The following SMURF1 variants were observed in gnomAD, a reference collection of about 807,000 sequenced individuals.
SMURF1 encodes E3 ubiquitin-protein ligase SMURF1.
Under a neutral mutation model 98.0 loss-of-function variants are expected in SMURF1, and 44 were observed. That is an observed-to-expected ratio of 0.45 (90% CI 0.35 to 0.58). The LOEUF (loss-of-function observed/expected upper bound fraction) is 0.58, where lower values mean the gene tolerates loss of function less well. Among genes scored for constraint, SMURF1 ranks in the 20% least tolerant of loss-of-function variants. The pLI, the probability that SMURF1 is intolerant of heterozygous loss-of-function variation, is 0.00. For missense variants in SMURF1, 687 were observed against 938.4 expected (o/e 0.73, Z 3.50); for synonymous variants, 396 against 374.9 (o/e 1.06, Z -0.65).
chr7:99,062,188 G>C (rs1280478068), intron 1 of SMURF1, among the ~76,000 whole-genome samples: 1 of 98,464 alleles, frequency 1.0e-5, no homozygotes, highest in Non-Finnish European at 2.7e-5. Context: ...TCGAACTCCT[G>C]GGTGATTCAA....
At chr7:99,057,572 T>C (rs1795909206) in intron 3 of SMURF1, 21 bp from the exon 4 acceptor site, 1 of 1,521,900 alleles carries the variant, frequency 6.6e-7, no homozygotes, top group East Asian at 2.4e-5. Context: ...AGTGCAAAAC[T>C]CATTTTTAAT....
intron 17 of SMURF1, among the ~76,000 whole-genome samples, chr7:99,032,039 G>A (rs1430021129): frequency 6.6e-6 from 1 of 152,202 alleles, no homozygotes. Context: ...GTCATAAGCA[G>A]GATTCCAAGA....
intron 1 of SMURF1, among the ~76,000 whole-genome samples, chr7:99,063,283 A>ATATATATATATATATAAGATTTT (rs1796106241): frequency 1.2e-4 from 2 of 17,348 alleles, no homozygotes; most frequent in Non-Finnish European, 3.1e-4. Context: ...ATATATATAT[A>ATATATATATATATATAAGATTTT]TATATATATA....
chr7:99,058,499 T>TACA (rs1486049287), intron 3 of SMURF1, among the ~76,000 whole-genome samples: 13 of 152,180 alleles, frequency 8.5e-5, no homozygotes, highest in Non-Finnish European at 1.8e-4. Flanking sequence ...TTAGGTTTGA[T>TACA]ACAGAATACT....
chr7:99,033,292 A>C (rs986339041), intron 16 of SMURF1, among the ~76,000 whole-genome samples, 171 bp from the exon 17 acceptor site: 1 of 152,146 alleles, frequency 6.6e-6, no homozygotes, highest in Non-Finnish European at 1.5e-5. Flanking sequence ...ACATGCCTGC[A>C]ATGGCTATCA....
At chr7:99,076,342 A>G (rs1796457997) in intron 1 of SMURF1, among the ~76,000 whole-genome samples, 1 of 152,266 alleles carries the variant, frequency 6.6e-6, no homozygotes, top group Non-Finnish European at 1.5e-5. Flanking sequence ...GTCAACATCA[A>G]CAGTGACAAG....
At chr7:99,104,577 A>G (rs932764876) in intron 1 of SMURF1, among the ~76,000 whole-genome samples, 1 of 152,210 alleles carries the variant, frequency 6.6e-6, no homozygotes, top group African/African-American at 2.4e-5. Flanking sequence ...TATCCTGCCC[A>G]TACGGTTTTG....
intron 1 of SMURF1, among the ~76,000 whole-genome samples, chr7:99,086,679 T>G (rs1295349395): frequency 6.6e-6 from 1 of 152,210 alleles, no homozygotes; most frequent in Non-Finnish European, 1.5e-5. Flanking sequence ...CATCATCTGA[T>G]GAATGGATAA....
At position 99,060,605 on chromosome 7, in the gene SMURF1, T is replaced by C; in HGVS notation, c.197A>G (p.Tyr66Cys). ...TACAGAACATTCAACTCACAGATCA[T>C]AGTGCTGGTTCCACTTTGGGTCCAA... ...NTLDPKWNQH[Y>C]DLYVGKTDSI... Residue 66 changes from tyrosine (Y) to cysteine (C), a missense_variant, in exon 3 of 18, where the codon TAT becomes TGT. By Grantham distance (194) the Tyr-to-Cys change is radical. This residue lies in a region of SMURF1 where 415 missense variants were observed against 508.4 expected (regional missense o/e 0.82). Transcript: ENST00000361368. 6.2e-7 allele frequency: 1 copy of C among 1,612,646 alleles called. No homozygotes were observed. The highest frequency in any genetic ancestry group is 8.5e-7 in the Non-Finnish European group (1 of 1,179,022).
In SMURF1 at chr7:99,047,893, A is replaced by G. The variant is rs747924745; in HGVS notation, c.954-11T>C. 1.9e-6 allele frequency: 3 copies of G among 1,612,624 alleles called. No individual in the cohort carries two copies. Among genetic ancestry groups the G allele is most frequent in the Admixed American group, 1.7e-5 (1 of 60,002 alleles). Reference sequence around the variant, plus strand: ...AGTTGGCACTGGTGACTTGAGAAGAAGAGATGCAGAAAGTCACTCCGAAGC... The same window carrying G: ...AGTTGGCACTGGTGACTTGAGAAGAGGAGATGCAGAAAGTCACTCCGAAGC... On this transcript the variant is annotated splice_polypyrimidine_tract_variant and intron_variant, in intron 9 of 17. Transcript: ENST00000361368.
chr7:99,037,803 C>A (rs1437028476), intron 14 of SMURF1, among the ~76,000 whole-genome samples: 1 of 152,214 alleles, frequency 6.6e-6, no homozygotes, highest in African/African-American at 2.4e-5. Flanking sequence ...GCAATGCCAG[C>A]CCCTTGGGAG....
chr7:99,075,756 T>C (rs1796440849), intron 1 of SMURF1, among the ~76,000 whole-genome samples: 1 of 152,242 alleles, frequency 6.6e-6, no homozygotes, highest in South Asian at 2.1e-4. Context: ...ATTATTATTC[T>C]TTTTTCATAA....
At chr7:99,127,919 T>C (rs1200659218) in intron 1 of SMURF1, among the ~76,000 whole-genome samples, 1 of 152,204 alleles carries the variant, frequency 6.6e-6, no homozygotes, top group East Asian at 1.9e-4. Flanking sequence ...ATACGAAATG[T>C]ACTTAAATCG....
chr7:99,082,071 G>C (rs1796587422), intron 1 of SMURF1, among the ~76,000 whole-genome samples: 1 of 152,236 alleles, frequency 6.6e-6, no homozygotes, highest in Non-Finnish European at 1.5e-5. Context: ...TATTGGCCAT[G>C]TTGGTAGCCT....
chr7:99,078,850 T>G (rs530652394), intron 1 of SMURF1, among the ~76,000 whole-genome samples: 1 of 152,238 alleles, frequency 6.6e-6, no homozygotes, highest in African/African-American at 2.4e-5. Context: ...AGAATTATTA[T>G]ATATTGCAAT....
At chr7:99,047,335 G>A (rs1282874884) in intron 10 of SMURF1, among the ~76,000 whole-genome samples, 1 of 152,208 alleles carries the variant, frequency 6.6e-6, no homozygotes, top group Non-Finnish European at 1.5e-5. Flanking sequence ...CCCACATCAT[G>A]TAGACAAGGC....
intron 1 of SMURF1, among the ~76,000 whole-genome samples, chr7:99,093,657 AC>A (rs1453855959): frequency 1.3e-5 from 2 of 152,098 alleles, no homozygotes; most frequent in Non-Finnish European, 2.9e-5. Context: ...ATAGTTTATG[AC>A]TACTTTCCTC....
chr7:99,052,957 G>A (rs1366669181), intron 6 of SMURF1, among the ~76,000 whole-genome samples: 3 of 152,114 alleles, frequency 2.0e-5, no homozygotes, highest in South Asian at 2.1e-4. Context: ...CCAGCTACTC[G>A]GGAGGCTGAG....
chr7:99,097,077 A>C lies in SMURF1; in HGVS notation c.56-35240T>G, dbSNP rs1464066015. Among the ~76,000 whole-genome samples, 4 of 152,234 alleles carry C rather than the reference A, an allele frequency of 2.6e-5. No homozygotes were observed. The East Asian group carries it at 7.7e-4, about 29-fold the overall frequency. ...CAAAGGAAATTAGAGAATATTTTGA[A>C]CTGAAAGAAAAAAAAAAAAGTTTGT... On this transcript the variant is annotated intron_variant, in intron 1 of 17. Coordinates refer to ENST00000361368, the MANE Select transcript of SMURF1 (RefSeq NM_181349.3).
Sources: gnomAD v4.1 joint callset for allele counts (sites outside exome capture counted in the v4.1 genomes callset) on GRCh38, gnomAD v4.1.1 for gene constraint, gnomAD v4.1.1 regional missense constraint, MANE v1.5 for transcripts, NCBI Gene and HGNC (gene_info 2026-07-23, HGNC 2026-07-21) for gene names.